The following SRGAP3 variants were observed in gnomAD, a reference collection of about 807,000 sequenced individuals.
The protein encoded by SRGAP3 is SLIT-ROBO Rho GTPase-activating protein 3.
In SRGAP3, 39 loss-of-function variants were observed where a neutral mutation model predicts 121.1. The observed-to-expected ratio is 0.32, with a 90% CI of 0.25 to 0.42. SRGAP3 has a LOEUF of 0.42. Ranked by LOEUF, SRGAP3 falls within the 10% of genes least tolerant of loss-of-function variation. SRGAP3 has a pLI of 1.00. For missense variants in SRGAP3, 1,213 were observed against 1,470.6 expected (o/e 0.82, Z 2.86); for synonymous variants, 601 against 570.0 (o/e 1.05, Z -0.77).
chr3:8,999,387 G>T (rs1358460316), intron 18 of SRGAP3, among the ~76,000 whole-genome samples: 1 of 152,208 alleles, frequency 6.6e-6, no homozygotes, highest in African/African-American at 2.4e-5. Context: ...TTTTATTTCA[G>T]AATCTGAAGG....
At chr3:9,043,625 G>A (rs1449223944) in intron 10 of SRGAP3, among the ~76,000 whole-genome samples, 1 of 152,008 alleles carries the variant, frequency 6.6e-6, no homozygotes, top group East Asian at 1.9e-4. Context: ...TTAGAAACAG[G>A]GTGACTGTCT....
chr3:9,060,687 A>G, intron 5 of SRGAP3, among the ~76,000 whole-genome samples: 1 of 151,496 alleles, frequency 6.6e-6, no homozygotes, highest in East Asian at 1.9e-4. Flanking sequence ...CCATCCTCCC[A>G]CCTTAGCCTC....
rs571600712 is a variant in SRGAP3, at chr3:9,118,808, C to A, written c.260+5917G>T. On this transcript the variant is annotated intron_variant, in intron 2 of 21. Coordinates refer to ENST00000383836, the MANE Select transcript of SRGAP3 (RefSeq NM_014850.4). ...TGCTCCCATTCCCCAAACAGGGAGA[C>A]CATGGCACAGTCCACACTCTGTCCT... Among the ~76,000 whole-genome samples the A allele has an allele frequency of 2.0e-5, 3 of 152,238 alleles. No individual in the cohort carries two copies. In the South Asian group the frequency reaches 6.2e-4, roughly 32 times the overall value.
intron 11 of SRGAP3, chr3:9,034,197 C>G (rs1944636929): frequency 6.6e-6 from 1 of 152,176 alleles, no homozygotes; most frequent in Admixed American, 6.5e-5. Flanking sequence ...TGCCAGCCTT[C>G]TGGGGCAAAG....
chr3:8,988,174 G>T (rs542726302), intron 21 of SRGAP3, among the ~76,000 whole-genome samples: 6 of 152,278 alleles, frequency 3.9e-5, no homozygotes, highest in African/African-American at 1.4e-4. Context: ...AGACAGAGTG[G>T]GGACCGTGAT....
intron 1 of SRGAP3, among the ~76,000 whole-genome samples, chr3:9,184,817 C>T (rs1422408163): frequency 6.6e-6 from 1 of 152,108 alleles, no homozygotes; most frequent in Admixed American, 6.5e-5. Flanking sequence ...AAGAGCCTCC[C>T]TCCCCCAGCT....
intron 3 of SRGAP3, among the ~76,000 whole-genome samples, chr3:9,270,684 T>C (rs1401125252): frequency 6.6e-6 from 1 of 152,196 alleles, no homozygotes; most frequent in African/African-American, 2.4e-5. Context: ...GTGTGTAAAA[T>C]TGATGAGTAC....
rs1942697493 is a variant in SRGAP3, at chr3:9,000,600, G to A, written c.2228-6077C>T. 2.6e-5 allele frequency among the ~76,000 whole-genome samples: 4 copies of A among 152,198 alleles called. No homozygotes were observed. The South Asian group carries it at 8.3e-4, about 32-fold the overall frequency. On this transcript the variant is annotated intron_variant, in intron 18 of 21. Transcript: ENST00000383836. ...AGAACAGTGGAGGTCGTGTTGAAGG[G>A]CAATCCAGTGATGGTTCATGAATTT...
At chr3:9,283,221 C>T (rs999165129) in intron 3 of SRGAP3, among the ~76,000 whole-genome samples, 6 of 152,182 alleles carry the variant, frequency 3.9e-5, no homozygotes, top group African/African-American at 1.4e-4. Context: ...GGATTACAGG[C>T]ATGAGCCACC....
intron 3 of SRGAP3, among the ~76,000 whole-genome samples, chr3:9,255,812 C>G (rs918488258): frequency 2.0e-5 from 3 of 152,158 alleles, no homozygotes; most frequent in African/African-American, 7.2e-5. Flanking sequence ...TTGAAATTAT[C>G]CAGCCTTGAT....
At chr3:9,005,344 C>A (rs57486484) in intron 18 of SRGAP3, among the ~76,000 whole-genome samples, 2 of 151,990 alleles carry the variant, frequency 1.3e-5, no homozygotes, top group Non-Finnish European at 2.9e-5. Context: ...CAAAATGGTG[C>A]GGTCATTTTG....
chr3:9,088,870 G>A (rs909871578), intron 3 of SRGAP3, among the ~76,000 whole-genome samples: 1 of 152,048 alleles, frequency 6.6e-6, no homozygotes, highest in African/African-American at 2.4e-5. Context: ...CCTTCGGTAC[G>A]GGCTTGTGCT....
At chr3:9,194,770 T>A (rs540426319) in intron 1 of SRGAP3, among the ~76,000 whole-genome samples, 3 of 152,184 alleles carry the variant, frequency 2.0e-5, no homozygotes, top group Non-Finnish European at 4.4e-5. Flanking sequence ...AATGACAGGA[T>A]GCCACAAGTC....
intron 1 of SRGAP3, among the ~76,000 whole-genome samples, chr3:9,144,747 T>G (rs2125041357): frequency 6.6e-6 from 1 of 152,310 alleles, no homozygotes; most frequent in East Asian, 1.9e-4. Flanking sequence ...ATCAAACATC[T>G]TTTTCTTCCC....
rs1295504203 is a variant in SRGAP3, at chr3:9,109,584, C to A, written c.261-4742G>T. Among the ~76,000 whole-genome samples the A allele has an allele frequency of 6.6e-6, 1 of 152,140 alleles. No homozygotes were observed. Among genetic ancestry groups the A allele is most frequent in the Admixed American group, 6.5e-5 (1 of 15,284 alleles). ...TAGGTGCTGCGAGTGCAGGAGCAAC[C>A]AAGGCTGCAAGACCCTGCCCTGCAA... is the stretch of plus-strand genomic sequence containing the variant. On this transcript the variant is annotated intron_variant, in intron 2 of 21. Coordinates refer to ENST00000383836, the MANE Select transcript of SRGAP3 (RefSeq NM_014850.4). This position sits in a 1 kb window ranked among gnomAD's most constrained non-coding sequence, Gnocchi z 4.4.
intron 3 of SRGAP3, among the ~76,000 whole-genome samples, chr3:9,304,473 T>G (rs1955123943): frequency 6.6e-6 from 1 of 152,190 alleles, no homozygotes; most frequent in Non-Finnish European, 1.5e-5. Flanking sequence ...ACATTCACTC[T>G]GTGCTCAGCA....
At chr3:9,056,461 A>G in intron 7 of SRGAP3, 127 bp from the exon 8 acceptor site, 1 of 978,732 alleles carries the variant, frequency 1.0e-6, no homozygotes, top group African/African-American at 1.6e-5. Flanking sequence ...AGGTTGAGTG[A>G]CCTGCTCAAG....
At chr3:9,064,868 TA>T (rs760666944) in intron 4 of SRGAP3, among the ~76,000 whole-genome samples, 1 of 74,294 alleles carries the variant, frequency 1.3e-5, no homozygotes, top group South Asian at 4.7e-4. Context: ...TAATAATAAA[TA>T]AATAAATAAA....
intron 1 of SRGAP3, among the ~76,000 whole-genome samples, chr3:9,159,036 G>A (rs964778867): frequency 6.6e-6 from 1 of 152,056 alleles, no homozygotes; most frequent in African/African-American, 2.4e-5. Flanking sequence ...ACCAGTTCTG[G>A]CCCAAACAAG....
Sources: allele counts gnomAD v4.1 joint callset (sites outside exome capture counted in the v4.1 genomes callset), GRCh38; gene constraint gnomAD v4.1.1; non-coding constraint Gnocchi (gnomAD v3.1); transcripts MANE v1.5; gene names NCBI Gene and HGNC (gene_info 2026-07-23, HGNC 2026-07-21).